The following PCDHGA2 variants were observed in gnomAD, a reference collection of about 807,000 sequenced individuals.
PCDHGA2 encodes the protein protocadherin gamma-A2.
In PCDHGA2, 40 loss-of-function variants were observed where a neutral mutation model predicts 59.2. The observed-to-expected ratio is 0.68, with a 90% CI of 0.52 to 0.88. PCDHGA2 has a LOEUF of 0.88. Among genes scored for constraint, PCDHGA2 ranks in the 40% least tolerant of loss-of-function variants. The pLI is 0.00. For synonymous variants in PCDHGA2, 560 were observed against 526.0 expected, an observed-to-expected ratio of 1.06 and a Z score of -0.89; for missense variants, 1,226 against 1,204.0, an observed-to-expected ratio of 1.02 and a Z score of -0.27.
chr5:141,384,922 C>T, intron 1 of PCDHGA2: 1 of 1,614,018 alleles, frequency 6.2e-7, no homozygotes, highest in Non-Finnish European at 8.5e-7. Context: ...CTTGGCCGAC[C>T]TGGGCAGCCT....
chr5:141,462,036 G>A (rs760555655), intron 1 of PCDHGA2, among the ~76,000 whole-genome samples: 5 of 151,978 alleles, frequency 3.3e-5, no homozygotes, highest in African/African-American at 7.3e-5. Flanking sequence ...TTGGTCAGGC[G>A]GGTCTTGAAC....
At chr5:141,366,193 G>T (rs1192545271) in intron 1 of PCDHGA2, 2 of 1,613,934 alleles carry the variant, frequency 1.2e-6, no homozygotes, top group Admixed American at 3.3e-5. Flanking sequence ...CGGTTGGGCT[G>T]CACACGGGCG....
chr5:141,485,106 T>A lies in PCDHGA2; in HGVS notation c.2425-9701T>A, dbSNP rs2099607051. 8.3e-7 allele frequency: 1 copy of A among 1,206,448 alleles called. No individual in the cohort carries two copies. Among genetic ancestry groups the A allele is most frequent in the Admixed American group, 1.8e-5 (1 of 55,050 alleles). 74.7% of individuals were successfully genotyped at this position (1,206,448 alleles called of 1,614,324 possible). On this transcript the variant is annotated intron_variant, in intron 1 of 3. Coordinates refer to ENST00000394576, the MANE Select transcript of PCDHGA2 (RefSeq NM_018915.4). The surrounding 1 kb of genome is among the most constrained non-coding windows in gnomAD (Gnocchi z 5.7). ...GGGAGATAGGTGTCTCCAGCTGCTG[T>A]GGCTGTTTGGGGCGGGTCGGCTTCA...
intron 1 of PCDHGA2, chr5:141,366,288 C>T (rs1020562585): frequency 6.2e-7 from 1 of 1,613,748 alleles, no homozygotes; most frequent in Non-Finnish European, 8.5e-7. Flanking sequence ...GGCCAGCCCC[C>T]TCTGTCAGCC....
At chr5:141,360,283 C>T (rs749244644) in intron 1 of PCDHGA2, 1 of 1,613,984 alleles carries the variant, frequency 6.2e-7, no homozygotes, top group Non-Finnish European at 8.5e-7. Flanking sequence ...CGTAGGAAAC[C>T]TCGCCAAGGA....
rs776773140 is a variant in PCDHGA2, at chr5:141,476,589, G to A, written c.2425-18218G>A. 5 of 1,614,246 alleles carry A rather than the reference G, an allele frequency of 3.1e-6. No individual in the cohort carries two copies. Among genetic ancestry groups the A allele is most frequent in the Non-Finnish European group, 4.2e-6 (5 of 1,180,046 alleles). On this transcript the variant is annotated intron_variant, in intron 1 of 3. Coordinates refer to ENST00000394576, the MANE Select transcript of PCDHGA2 (RefSeq NM_018915.4). This position sits in a 1 kb window ranked among gnomAD's most constrained non-coding sequence, Gnocchi z 7.6. ...CCGGGGACGCGCTTTCCGCTCGAGA[G>A]CGCGCACGATCCCGATGTGGGAAGC...
At chr5:141,406,908 A>G (rs1256233458) in intron 1 of PCDHGA2, among the ~76,000 whole-genome samples, 2 of 152,204 alleles carry the variant, frequency 1.3e-5, no homozygotes, top group Non-Finnish European at 2.9e-5. Flanking sequence ...GTTTTTAGCT[A>G]TAAGGAAGAG....
chr5:141,374,390 C>T, intron 1 of PCDHGA2: 2 of 1,614,024 alleles, frequency 1.2e-6, no homozygotes, highest in Non-Finnish European at 1.7e-6. Flanking sequence ...CCCGCGGTGT[C>T]TGGTGAGTTT....
chr5:141,359,946 T>A, intron 1 of PCDHGA2: 1 of 524,822 alleles, frequency 1.9e-6, no homozygotes, highest in Non-Finnish European at 3.1e-6. Flanking sequence ...TCGCTGTTGG[T>A]CAAAAGAACG....
intron 1 of PCDHGA2, chr5:141,344,405 A>G (rs1757413719): frequency 6.2e-7 from 1 of 1,611,738 alleles, no homozygotes; most frequent in Non-Finnish European, 8.5e-7. Context: ...TAGAAATTAA[A>G]GATATTAATG....
intron 1 of PCDHGA2, among the ~76,000 whole-genome samples, chr5:141,420,650 A>G (rs2096512866): frequency 6.6e-6 from 1 of 152,244 alleles, no homozygotes; most frequent in Non-Finnish European, 1.5e-5. Context: ...TGTAAGAATT[A>G]TAGTTAGGCA....
At chr5:141,424,092 C>G (rs1160250641) in intron 1 of PCDHGA2, 2 of 879,256 alleles carry the variant, frequency 2.3e-6, no homozygotes, top group Non-Finnish European at 2.8e-6. Context: ...CCATTATTTG[C>G]TATTACTGCT....
rs1425448852 is a variant in PCDHGA2, at chr5:141,493,717, C to T, written c.2425-1090C>T. Among the ~76,000 whole-genome samples the T allele has an allele frequency of 1.3e-5, 2 of 152,208 alleles. No individual in the cohort carries two copies. The highest frequency in any genetic ancestry group is 3.8e-4 in the East Asian group (2 of 5,202). On this transcript the variant is annotated intron_variant, in intron 1 of 3. Coordinates refer to ENST00000394576, the MANE Select transcript of PCDHGA2 (RefSeq NM_018915.4). This position sits in a 1 kb window ranked among gnomAD's most constrained non-coding sequence, Gnocchi z 4.3. ...CCGATACACCTGGAATGCTAGGTTT[C>T]TGGGTTCTGCTCATATCACTGCCAC...
intron 1 of PCDHGA2, chr5:141,415,772 T>TA (rs763083459): frequency 1.1e-5 from 15 of 1,332,970 alleles, no homozygotes; most frequent in Non-Finnish European, 1.3e-5. Flanking sequence ...TTTTTTTTTT[T>TA]ACTTTCTGGT....
At chr5:141,470,851 A>G (rs1410012138) in intron 1 of PCDHGA2, among the ~76,000 whole-genome samples, 2 of 151,876 alleles carry the variant, frequency 1.3e-5, no homozygotes, top group Non-Finnish European at 2.9e-5. Context: ...CCATGCTCAG[A>G]TAAGTTTTTT....
At chr5:141,402,971 T>C in intron 1 of PCDHGA2, 2 of 1,608,370 alleles carry the variant, frequency 1.2e-6, no homozygotes. Flanking sequence ...TCCAACCAAA[T>C]GCCAGCTCCG....
intron 1 of PCDHGA2, among the ~76,000 whole-genome samples, chr5:141,443,082 C>A (rs958408385): frequency 6.6e-6 from 1 of 151,624 alleles, no homozygotes; most frequent in African/African-American, 2.4e-5. Flanking sequence ...ACTGAGTGTT[C>A]CAGTCTCCTT....
chr5:141,505,118 C>T (rs544825360), intron 2 of PCDHGA2, among the ~76,000 whole-genome samples: 32 of 152,222 alleles, frequency 2.1e-4, no homozygotes, highest in African/African-American at 7.5e-4. Flanking sequence ...GCCAAGATCG[C>T]GCCACTGCAC....
At position 141,339,454 on chromosome 5, in the gene PCDHGA2, C is replaced by A; in HGVS notation, c.483C>A (p.Asp161Glu). 6.2e-7 allele frequency: 1 copy of A among 1,614,218 alleles called. No homozygotes were observed. Among genetic ancestry groups the A allele is most frequent in the African/African-American group, 1.3e-5 (1 of 75,052 alleles). ...RIPLKNAHDA[D>E]VGENALQKYA... ...CTCTTAAGAATGCGCATGATGCAGA[C>A]GTAGGTGAGAACGCCCTTCAGAAGT... Residue 161 changes from aspartate (D) to glutamate (E), a missense_variant, in exon 1 of 4, where the codon GAC (aspartate) becomes GAA (glutamate). Physicochemically the swap from Asp to Glu is conservative, Grantham distance 45. Transcript: ENST00000394576.
Sources: allele counts gnomAD v4.1 joint callset (sites outside exome capture counted in the v4.1 genomes callset), GRCh38; gene constraint gnomAD v4.1.1; non-coding constraint Gnocchi (gnomAD v3.1); transcripts MANE v1.5; gene names NCBI Gene and HGNC (gene_info 2026-07-23, HGNC 2026-07-21).